KDM1A: variants seen among roughly 807,000 people sequenced by gnomAD.
The protein encoded by KDM1A is lysine-specific histone demethylase 1A.
KDM1A carries 49 observed loss-of-function variants against 109.4 expected under a neutral mutation model. That is an observed-to-expected ratio of 0.45 (90% CI 0.36 to 0.57). The LOEUF (loss-of-function observed/expected upper bound fraction) is 0.57, where lower values mean the gene tolerates loss of function less well. KDM1A is among the 20% of genes least tolerant of loss of function. KDM1A has a pLI of 0.00. For synonymous variants in KDM1A, 380 were observed against 415.4 expected (o/e 0.91, Z 1.04); for missense variants, 668 against 1,116.6 (o/e 0.60, Z 5.73).
intron 2 of KDM1A, among the ~76,000 whole-genome samples, chr1:23,034,628 AT>A (rs956569206): frequency 6.1e-5 from 9 of 148,624 alleles, no homozygotes; most frequent in Admixed American, 1.3e-4. Context: ...ACATGACTCC[AT>A]TTTTTTTTTC....
Position 23,071,374 on chromosome 1 carries a change from C to T in KDM1A, c.1548+15C>T. ...CCCTATGCAAGGTGTGGTATACATA[C>T]ATGCCTAACTGGTTTTACTTGGAAT... On this transcript the variant is annotated intron_variant, in intron 13 of 20. Coordinates refer to ENST00000400181, the MANE Select transcript of KDM1A (RefSeq NM_001009999.3). 1.9e-6 allele frequency: 3 copies of T among 1,577,682 alleles called. No homozygotes were observed. The highest frequency in any genetic ancestry group is 1.2e-5 in the South Asian group (1 of 84,400).
chr1:23,032,358 CTT>C (rs548990810), intron 2 of KDM1A, among the ~76,000 whole-genome samples: 18 of 137,216 alleles, frequency 1.3e-4, no homozygotes, highest in Admixed American at 1.5e-4. Flanking sequence ...TTTCTGAAAG[CTT>C]TTTTTTTTTT....
At chr1:23,036,320 G>T (rs1274936045) in intron 2 of KDM1A, among the ~76,000 whole-genome samples, 2 of 152,056 alleles carry the variant, frequency 1.3e-5, no homozygotes, top group African/African-American at 2.4e-5. Flanking sequence ...TCCTGACGGG[G>T]TTGTCTGTGT....
chr1:23,056,873 A>G (rs1043800982), intron 7 of KDM1A, among the ~76,000 whole-genome samples: 1 of 151,654 alleles, frequency 6.6e-6, no homozygotes, highest in Admixed American at 6.6e-5. Flanking sequence ...AATTATCGCT[A>G]CAACTCAGCC....
chr1:23,042,546 G>A (rs1284807937), intron 2 of KDM1A, among the ~76,000 whole-genome samples: 3 of 136,250 alleles, frequency 2.2e-5, no homozygotes, highest in Admixed American at 7.7e-5. Flanking sequence ...TCCGCCTCCC[G>A]GGTTCACGCC....
At position 23,072,208 on chromosome 1, in the gene KDM1A, C is replaced by T; in HGVS notation, c.1622+11C>T. On this transcript the variant is annotated intron_variant, in intron 14 of 20. Transcript: ENST00000400181. The stretch of plus-strand genomic sequence containing the variant: ...AGCGAATCCCCCAAGGTAAGGAAAA[C>T]AAACACAAAAGTTCAGAGGGAGAGC... The T allele has an allele frequency of 6.3e-7, 1 of 1,599,796 alleles. No individual in the cohort carries two copies. Among genetic ancestry groups the T allele is most frequent in the Non-Finnish European group, 8.6e-7 (1 of 1,169,352 alleles).
intron 2 of KDM1A, among the ~76,000 whole-genome samples, chr1:23,037,536 G>A (rs146410620): frequency 2.0e-5 from 3 of 152,186 alleles, no homozygotes; most frequent in African/African-American, 7.2e-5. Flanking sequence ...ACCTCACATG[G>A]TTATCATTTT....
At chr1:23,036,690 A>G (rs1252315179) in intron 2 of KDM1A, among the ~76,000 whole-genome samples, 1 of 152,162 alleles carries the variant, frequency 6.6e-6, no homozygotes, top group African/African-American at 2.4e-5. Flanking sequence ...TATGAGACAC[A>G]AGTGTAGACA....
chr1:23,066,441 T>C (rs1199657428), intron 10 of KDM1A, among the ~76,000 whole-genome samples: 1 of 152,198 alleles, frequency 6.6e-6, no homozygotes, highest in Admixed American at 6.5e-5. Context: ...GCCTGAGTGC[T>C]GTGTACTTTT....
chr1:23,055,007 T>G (rs767305635), intron 5 of KDM1A, 62 bp from the exon 6 acceptor site: 2 of 1,017,146 alleles, frequency 2.0e-6, no homozygotes, highest in African/African-American at 1.6e-5. Flanking sequence ...ATGGAAGAGT[T>G]AGAAGAATAT....
At chr1:23,020,429 G>A (rs1641588576) in intron 1 of KDM1A, 1 of 152,216 alleles carries the variant, frequency 6.6e-6, no homozygotes, top group Admixed American at 6.6e-5. Flanking sequence ...AGAAAGGGTC[G>A]TTTTTGCTTT....
chr1:23,081,664 T>G, intron 19 of KDM1A, 91 bp downstream of exon 19: 1 of 1,439,978 alleles, frequency 6.9e-7, no homozygotes. Flanking sequence ...CAGGACAGTT[T>G]AAGCTAGAAT....
chr1:23,052,165 A>T (rs2124457905), intron 4 of KDM1A, among the ~76,000 whole-genome samples: 1 of 152,324 alleles, frequency 6.6e-6, no homozygotes, highest in African/African-American at 2.4e-5. Context: ...GATTTGGGGA[A>T]GGGTTTCCCG....
At chr1:23,082,156 C>T in intron 19 of KDM1A, 64 bp from the exon 20 acceptor site, 3 of 1,564,322 alleles carry the variant, frequency 1.9e-6, no homozygotes, top group Non-Finnish European at 2.6e-6. Flanking sequence ...TGCTTTTCCA[C>T]CTTTCAAGGA....
At chr1:23,023,362 G>A (rs184181063) in intron 1 of KDM1A, among the ~76,000 whole-genome samples, 19 of 152,188 alleles carry the variant, frequency 1.2e-4, no homozygotes, top group Non-Finnish European at 2.4e-4. Context: ...CATTTATGTC[G>A]ATGATCTTTT....
At chr1:23,081,664 T>TA (rs1383387843) in intron 19 of KDM1A, 91 bp downstream of exon 19, 1 of 1,439,858 alleles carries the variant, frequency 6.9e-7, no homozygotes, top group African/African-American at 1.4e-5. Context: ...CAGGACAGTT[T>TA]AAGCTAGAAT....
chr1:23,078,385 A>G (rs1210086823), intron 16 of KDM1A, among the ~76,000 whole-genome samples: 1 of 152,206 alleles, frequency 6.6e-6, no homozygotes, highest in Non-Finnish European at 1.5e-5. Flanking sequence ...CAAAATATAT[A>G]TAGTATATAA....
intron 3 of KDM1A, among the ~76,000 whole-genome samples, chr1:23,045,810 G>C (rs1642486399): frequency 6.6e-6 from 1 of 152,078 alleles, no homozygotes; most frequent in Admixed American, 6.6e-5. Flanking sequence ...GTGTTTCCAG[G>C]AATGATGGTG....
intron 12 of KDM1A, among the ~76,000 whole-genome samples, chr1:23,069,758 C>G (rs188833783): frequency 6.4e-4 from 98 of 152,356 alleles, no homozygotes; most frequent in African/African-American, 2.2e-3. Flanking sequence ...CTGCCACCCC[C>G]ACCTCTGTTC....
Sources: allele counts gnomAD v4.1 joint callset (sites outside exome capture counted in the v4.1 genomes callset), GRCh38; gene constraint gnomAD v4.1.1; transcripts MANE v1.5; gene names NCBI Gene and HGNC (gene_info 2026-07-23, HGNC 2026-07-21).